Variants in CFTR observed in about 807,000 individuals in gnomAD.
CFTR encodes cystic fibrosis transmembrane conductance regulator.
In CFTR, 181 loss-of-function variants were observed where a neutral mutation model predicts 171.6. That is an observed-to-expected ratio of 1.05 (90% CI 0.93 to 1.19). The LOEUF is 1.19. Ranked by LOEUF, CFTR falls within the 50% of genes most tolerant of loss-of-function variation. The pLI is 0.00. For missense variants in CFTR, 1,968 were observed against 1,734.7 expected (o/e 1.13, Z -2.39); for synonymous variants, 583 against 608.0 (o/e 0.96, Z 0.60).
chr7:117,493,450 T>C (rs777586608), intron 1 of CFTR, among the ~76,000 whole-genome samples: 1 of 152,078 alleles, frequency 6.6e-6, no homozygotes, highest in Non-Finnish European at 1.5e-5. Flanking sequence ...CTTGAGCCAA[T>C]TGTTGTCTAT....
chr7:117,523,713 A>G (rs887345510), intron 3 of CFTR, among the ~76,000 whole-genome samples: 1 of 152,136 alleles, frequency 6.6e-6, no homozygotes, highest in African/African-American at 2.4e-5. Flanking sequence ...ATTCCACTCA[A>G]ATTAATACAC....
In CFTR at chr7:117,652,253, C is replaced by T. The variant is rs571255427; in HGVS notation, c.3874-589C>T. Among the ~76,000 whole-genome samples the T allele has an allele frequency of 2.6e-5, 4 of 152,302 alleles. No homozygotes were observed. In the South Asian group the frequency reaches 8.3e-4, roughly 32 times the overall value. On this transcript the variant is annotated intron_variant, in intron 23 of 26. Transcript: ENST00000003084. Reference sequence around the variant, plus strand: ...ATTCAGTTAAACAATTATTTGACTTCTGCTCTTCCACTGATTTCTAAGTTG... The same window carrying T: ...ATTCAGTTAAACAATTATTTGACTTTTGCTCTTCCACTGATTTCTAAGTTG...
At chr7:117,656,140 C>T (rs1199943345) in intron 24 of CFTR, among the ~76,000 whole-genome samples, 1 of 152,108 alleles carries the variant, frequency 6.6e-6, no homozygotes, top group Non-Finnish European at 1.5e-5. Context: ...TTAGAAGAGA[C>T]CTAGGCGACT....
chr7:117,638,409 A>G (rs1399307414), intron 22 of CFTR, among the ~76,000 whole-genome samples: 1 of 152,106 alleles, frequency 6.6e-6, no homozygotes, highest in Non-Finnish European at 1.5e-5. Context: ...CATAGCTTAT[A>G]TCTACTTCTA....
At chr7:117,536,503 T>G in intron 6 of CFTR, 45 bp from the exon 7 acceptor site, 1 of 1,537,956 alleles carries the variant, frequency 6.5e-7, no homozygotes, top group South Asian at 1.2e-5. Flanking sequence ...ATTTGACTTG[T>G]TTTTACTATT....
intron 3 of CFTR, among the ~76,000 whole-genome samples, chr7:117,529,377 GA>G (rs1371425938): frequency 9.3e-6 from 1 of 107,502 alleles, no homozygotes; most frequent in African/African-American, 3.6e-5. Flanking sequence ...GGGGTCGGGG[GA>G]GGGGGGAGGG....
intron 3 of CFTR, among the ~76,000 whole-genome samples, chr7:117,529,513 T>TA (rs61443875): frequency 0.11 from 13,384 of 119,838 alleles, 940 homozygotes; most frequent in East Asian, 0.41. Flanking sequence ...ACTTAGAGTA[T>TA]AAAAAAAAAA....
chr7:117,615,353 A>G (rs914496314), intron 21 of CFTR, among the ~76,000 whole-genome samples: 1 of 152,040 alleles, frequency 6.6e-6, no homozygotes, highest in Non-Finnish European at 1.5e-5. Context: ...CTTTTGATGA[A>G]AAGAAGCTTT....
chr7:117,634,812 A>G (rs945750768), intron 22 of CFTR, among the ~76,000 whole-genome samples: 1 of 152,096 alleles, frequency 6.6e-6, no homozygotes, highest in Non-Finnish European at 1.5e-5. Context: ...GTCTGAGAGC[A>G]TATATTGTAT....
At chr7:117,568,190 G>A (rs1000359437) in intron 11 of CFTR, among the ~76,000 whole-genome samples, 1 of 152,082 alleles carries the variant, frequency 6.6e-6, no homozygotes, top group Non-Finnish European at 1.5e-5. Context: ...GAAAGAAAGG[G>A]GTATATTGTG....
intron 11 of CFTR, among the ~76,000 whole-genome samples, chr7:117,586,804 C>G (rs1791941466): frequency 6.6e-6 from 1 of 151,644 alleles, no homozygotes; most frequent in East Asian, 1.9e-4. Context: ...GAGTTTACTA[C>G]CTATCTAACT....
intron 6 of CFTR, 120 bp downstream of exon 6, chr7:117,535,531 T>C: frequency 1.2e-6 from 1 of 811,414 alleles, no homozygotes; most frequent in East Asian, 2.8e-5. Flanking sequence ...TTAAATTTTT[T>C]TTTTTTTTTT....
chr7:117,667,932 C>A lies in CFTR; in HGVS notation c.*824C>A, dbSNP rs2116228376. 1 of 152,458 alleles carries A rather than the reference C, an allele frequency of 6.6e-6. No homozygotes were observed. Among genetic ancestry groups the A allele is most frequent in the Middle Eastern group, 3.4e-3 (1 of 296 alleles). The allele number at this position is 152,458 out of a possible 1,614,324, so 9.4% of individuals were successfully genotyped here. A position where few individuals can be genotyped will look rare whatever the true frequency, so the allele number is the denominator to read the frequency against. ...AGTGACAAGCTCACAGACCTTTGAA[C>A]TAGAGTTTAGCTGGAAAAGTATGTT... On this transcript the variant is annotated 3_prime_UTR_variant, in exon 27 of 27. Coordinates refer to ENST00000003084, the MANE Select transcript of CFTR (RefSeq NM_000492.4).
intron 8 of CFTR, among the ~76,000 whole-genome samples, chr7:117,540,827 G>T (rs893376955): frequency 3.3e-5 from 5 of 152,166 alleles, no homozygotes; most frequent in African/African-American, 1.2e-4. Context: ...TAGGCCAGAG[G>T]TTGCAAATGG....
chr7:117,625,706 G>A (rs1321272710), intron 21 of CFTR, among the ~76,000 whole-genome samples: 1 of 152,122 alleles, frequency 6.6e-6, no homozygotes, highest in Non-Finnish European at 1.5e-5. Flanking sequence ...TATTTCAAGA[G>A]AGGGATACTA....
chr7:117,499,429 C>CTGTGTGTGTGTG (rs56985019), intron 1 of CFTR, among the ~76,000 whole-genome samples: 10,343 of 135,784 alleles, frequency 0.076, 511 homozygotes, highest in African/African-American at 0.12. Flanking sequence ...ATAGTTTCAT[C>CTGTGTGTGTGTG]TGTGTGTGTG....
chr7:117,526,189 G>A (rs1798776827), intron 3 of CFTR, among the ~76,000 whole-genome samples: 5 of 151,892 alleles, frequency 3.3e-5, no homozygotes, highest in African/African-American at 1.2e-4. Flanking sequence ...AATCAAACTA[G>A]AACTCAGGAT....
intron 22 of CFTR, among the ~76,000 whole-genome samples, chr7:117,628,482 T>C (rs534336223): frequency 2.0e-5 from 3 of 152,282 alleles, no homozygotes; most frequent in Non-Finnish European, 4.4e-5. Context: ...AAGAGTATTA[T>C]ATATTTTGAT....
intron 21 of CFTR, among the ~76,000 whole-genome samples, chr7:117,617,558 A>G (rs1253785806): frequency 1.3e-5 from 2 of 151,640 alleles, no homozygotes; most frequent in Non-Finnish European, 2.9e-5. Flanking sequence ...CCCTGCAGCC[A>G]GTGACTTTAT....
Sources: allele counts gnomAD v4.1 joint callset (sites outside exome capture counted in the v4.1 genomes callset), GRCh38; gene constraint gnomAD v4.1.1; transcripts MANE v1.5; gene names NCBI Gene and HGNC (gene_info 2026-07-23, HGNC 2026-07-21).